The following BMPR2 variants were observed in gnomAD, a reference collection of about 807,000 sequenced individuals.
The protein encoded by BMPR2 is bone morphogenetic protein receptor type-2.
Under a neutral mutation model 100.8 loss-of-function variants are expected in BMPR2, and 29 were observed. That is an observed-to-expected ratio of 0.29 (90% confidence interval 0.21 to 0.39). The LOEUF (loss-of-function observed/expected upper bound fraction) is 0.39. BMPR2 is among the 10% of genes least tolerant of loss of function. The probability of loss-of-function intolerance (pLI) is 1.00; values close to 1 mark genes in which losing one functional copy is unlikely to be tolerated. For synonymous variants in BMPR2, 382 were observed against 442.3 expected (o/e 0.86, Z 1.71); for missense variants, 1,011 against 1,274.5 (o/e 0.79, Z 3.15).
intron 3 of BMPR2, among the ~76,000 whole-genome samples, chr2:202,488,807 A>T (rs1692836668): frequency 6.6e-6 from 1 of 152,262 alleles, no homozygotes; most frequent in African/African-American, 2.4e-5. Flanking sequence ...CATTAAGCAC[A>T]TTCACATTAT....
chr2:202,456,472 C>T (rs1241287093), intron 1 of BMPR2, among the ~76,000 whole-genome samples: 1 of 151,622 alleles, frequency 6.6e-6, no homozygotes, highest in Admixed American at 6.6e-5. Context: ...ATCACTGCGC[C>T]CGACCGATTG....
intron 1 of BMPR2, among the ~76,000 whole-genome samples, chr2:202,456,907 G>A (rs1011190829): frequency 6.6e-6 from 1 of 152,054 alleles, no homozygotes; most frequent in African/African-American, 2.4e-5. Context: ...AGTATACATG[G>A]CTTCATATGT....
intron 3 of BMPR2, among the ~76,000 whole-genome samples, chr2:202,470,770 C>CAAA (rs35813080): frequency 3.1e-5 from 2 of 65,480 alleles, no homozygotes; most frequent in Non-Finnish European, 3.1e-5. Flanking sequence ...GACTCCGTCT[C>CAAA]AAAAAAAAAA....
intron 1 of BMPR2, among the ~76,000 whole-genome samples, chr2:202,401,584 T>G (rs1348605531): frequency 6.6e-6 from 1 of 152,226 alleles, no homozygotes; most frequent in Non-Finnish European, 1.5e-5. Context: ...TACTTAGTCT[T>G]TTACTTGGTA....
chr2:202,474,301 A>G (rs1692494116), intron 3 of BMPR2, among the ~76,000 whole-genome samples: 1 of 151,164 alleles, frequency 6.6e-6, no homozygotes, highest in African/African-American at 2.4e-5. Flanking sequence ...TAAAAATACA[A>G]AAAGTATAGC....
rs997807371 is a variant in BMPR2 at position 202,564,871 on chromosome 2, C to G, written c.*4925C>G. ...ATCATCCTGGCTAACACGATGAAAC[C>G]TCATCTCTACTAAAAATACAAATAA... On this transcript the variant is annotated 3_prime_UTR_variant, in exon 13 of 13. Coordinates refer to ENST00000374580, the MANE Select transcript of BMPR2 (RefSeq NM_001204.7). 5.9e-5 allele frequency: 9 copies of G among 152,082 alleles called. No homozygotes were observed. Among genetic ancestry groups the G allele is most frequent in the Admixed American group, 4.6e-4 (7 of 15,246 alleles). The allele number at this position is 152,082 out of a possible 1,614,324, so 9.4% of individuals were successfully genotyped here.
intron 3 of BMPR2, among the ~76,000 whole-genome samples, chr2:202,482,448 A>G (rs1692678039): frequency 6.6e-6 from 1 of 152,074 alleles, no homozygotes; most frequent in Non-Finnish European, 1.5e-5. Context: ...ATCATAGCTC[A>G]CTGTAACCTT....
intron 1 of BMPR2, among the ~76,000 whole-genome samples, chr2:202,400,920 G>A (rs765787990): frequency 4.5e-4 from 68 of 151,822 alleles, no homozygotes; most frequent in Non-Finnish European, 6.8e-4. Context: ...ACTGAATTCC[G>A]AACTCTCCTA....
intron 1 of BMPR2, among the ~76,000 whole-genome samples, chr2:202,436,909 C>G (rs186664798): frequency 2.0e-5 from 3 of 150,542 alleles, no homozygotes; most frequent in African/African-American, 7.5e-5. Flanking sequence ...GAATTGTGTT[C>G]CTCTCATATC....
At chr2:202,496,071 G>C (rs1000608029) in intron 3 of BMPR2, among the ~76,000 whole-genome samples, 2 of 152,224 alleles carry the variant, frequency 1.3e-5, no homozygotes, top group African/African-American at 4.8e-5. Flanking sequence ...AGAGTGAACA[G>C]ATGGAACCTA....
intron 5 of BMPR2, among the ~76,000 whole-genome samples, chr2:202,515,571 CAAA>C (rs1297491040): frequency 9.3e-5 from 7 of 75,360 alleles, no homozygotes; most frequent in Admixed American, 4.5e-4. Context: ...AACTCTGCCA[CAAA>C]AAAAAAAAAA....
intron 1 of BMPR2, among the ~76,000 whole-genome samples, chr2:202,456,205 C>CCAA (rs1692098737): frequency 6.7e-6 from 1 of 150,362 alleles, no homozygotes. Flanking sequence ...GAAGTCTTGC[C>CCAA]GTGTCGCCCA....
chr2:202,552,962 TA>T, intron 11 of BMPR2, 74 bp downstream of exon 11: 1 of 1,570,420 alleles, frequency 6.4e-7, no homozygotes, highest in Non-Finnish European at 8.8e-7. Context: ...AGAAAATAAA[TA>T]CTTTTAAACC....
chr2:202,502,761 A>G (rs554486818), intron 3 of BMPR2, among the ~76,000 whole-genome samples: 3 of 152,114 alleles, frequency 2.0e-5, no homozygotes, highest in Non-Finnish European at 2.9e-5. Flanking sequence ...TTTTACACTA[A>G]CCAGTCGGGG....
intron 10 of BMPR2, among the ~76,000 whole-genome samples, chr2:202,545,410 T>G (rs1688358245): frequency 6.6e-6 from 1 of 152,036 alleles, no homozygotes; most frequent in South Asian, 2.1e-4. Context: ...ATTTCCAGAA[T>G]GTAATAAGAG....
At chr2:202,520,761 G>A (rs1447154032) in intron 7 of BMPR2, 17 of 155,976 alleles carry the variant, frequency 1.1e-4, no homozygotes, top group African/African-American at 7.2e-5. Context: ...GAGGTTGTAC[G>A]TCCGAAGCCT....
chr2:202,471,701 T>G (rs149179892), intron 3 of BMPR2, among the ~76,000 whole-genome samples: 1 of 152,316 alleles, frequency 6.6e-6, no homozygotes, highest in African/African-American at 2.4e-5. Flanking sequence ...CAAAAAAGAC[T>G]GGACGACTAG....
chr2:202,556,414 G>T lies in BMPR2; in HGVS notation c.2749G>T (p.Ala917Ser). 1 of 1,614,200 alleles carries T rather than the reference G, an allele frequency of 6.2e-7. No homozygotes were observed. The highest frequency in any genetic ancestry group is 8.5e-7 in the Non-Finnish European group (1 of 1,180,044). ...SNPCSEQDVL[A>S]QGVPSTAADP... ...TCCATGTTCAGAACAAGATGTTCTT[G>T]CACAGGGTGTTCCAAGCACAGCAGC... The change falls in exon 12 of 13, where the codon GCA becomes TCA. Residue 917 changes from alanine (A) to serine (S), a missense_variant. By Grantham distance (99) the Ala-to-Ser change is moderately conservative. Transcript: ENST00000374580.
chr2:202,517,202 AG>A (rs1405553809), intron 5 of BMPR2, among the ~76,000 whole-genome samples: 2 of 151,800 alleles, frequency 1.3e-5, no homozygotes, highest in Non-Finnish European at 2.9e-5. Context: ...CCTGAGTGAA[AG>A]AGCAAGACTA....
Sources: gnomAD v4.1 joint callset for allele counts (sites outside exome capture counted in the v4.1 genomes callset) on GRCh38, gnomAD v4.1.1 for gene constraint, MANE v1.5 for transcripts, NCBI Gene and HGNC (gene_info 2026-07-23, HGNC 2026-07-21) for gene names.